The following MCU variants were observed in gnomAD, a reference collection of about 807,000 sequenced individuals.
MCU encodes mitochondrial calcium uniporter.
Under a neutral mutation model 45.2 loss-of-function variants are expected in MCU, and 12 were observed. The ratio of observed to expected loss-of-function variants is 0.27; its 90% CI spans 0.17 to 0.43. The LOEUF (loss-of-function observed/expected upper bound fraction) is 0.43, where lower values mean the gene tolerates loss of function less well. MCU is among the 20% of genes least tolerant of loss of function. The pLI is 1.00. For missense variants in MCU, 324 were observed against 436.7 expected, an observed-to-expected ratio of 0.74 and a Z score of 2.30; for synonymous variants, 160 against 165.1, an observed-to-expected ratio of 0.97 and a Z score of 0.24.
At chr10:72,826,582 C>A in intron 1 of MCU, among the ~76,000 whole-genome samples, 1 of 152,150 alleles carries the variant, frequency 6.6e-6, no homozygotes, top group East Asian at 1.9e-4. Flanking sequence ...ATGAAAAGAA[C>A]CATTGCCAAA....
chr10:72,804,899 G>A (rs1186989359), intron 1 of MCU, among the ~76,000 whole-genome samples: 1 of 152,138 alleles, frequency 6.6e-6, no homozygotes, highest in East Asian at 1.9e-4. Context: ...AGCCTTCCAA[G>A]TAGCTGGGAC....
chr10:72,694,384 C>T (rs1455623216), intron 1 of MCU, among the ~76,000 whole-genome samples: 1 of 152,194 alleles, frequency 6.6e-6, no homozygotes, highest in African/African-American at 2.4e-5. Flanking sequence ...AGGACTCCCA[C>T]TCATCTGAGA....
chr10:72,813,729 G>A (rs545153021), intron 1 of MCU, among the ~76,000 whole-genome samples: 11 of 151,982 alleles, frequency 7.2e-5, no homozygotes, highest in Admixed American at 1.3e-4. Flanking sequence ...AAATTGCTGG[G>A]ATTACAGGCG....
intron 1 of MCU, among the ~76,000 whole-genome samples, chr10:72,817,703 G>A (rs1028383772): frequency 2.6e-5 from 4 of 152,178 alleles, no homozygotes; most frequent in African/African-American, 9.6e-5. Flanking sequence ...TCCTACCTCA[G>A]CCTCCTGAGT....
At chr10:72,793,168 T>C (rs1218710743) in intron 1 of MCU, among the ~76,000 whole-genome samples, 1 of 152,120 alleles carries the variant, frequency 6.6e-6, no homozygotes, top group Non-Finnish European at 1.5e-5. Context: ...TGAGCCACCG[T>C]GCCTGGCCTG....
intron 1 of MCU, among the ~76,000 whole-genome samples, chr10:72,732,257 G>A (rs1344426580): frequency 6.6e-6 from 1 of 152,158 alleles, no homozygotes; most frequent in African/African-American, 2.4e-5. Context: ...TTTTCAAATT[G>A]GGTTGTCTTT....
intron 1 of MCU, among the ~76,000 whole-genome samples, chr10:72,739,693 TA>T (rs559496197): frequency 3.1e-3 from 477 of 151,992 alleles, no homozygotes; most frequent in African/African-American, 0.011. Context: ...TGAAGAACAT[TA>T]AGATTTTTTT....
At chr10:72,727,926 T>A (rs1434454814) in intron 1 of MCU, among the ~76,000 whole-genome samples, 2 of 151,830 alleles carry the variant, frequency 1.3e-5, no homozygotes, top group African/African-American at 4.8e-5. Context: ...TTTAAGGATA[T>A]TAGATAGCTC....
chr10:72,798,705 A>G (rs1356715900), intron 1 of MCU, among the ~76,000 whole-genome samples: 1 of 152,146 alleles, frequency 6.6e-6, no homozygotes, highest in Non-Finnish European at 1.5e-5. Context: ...AAAATAATAC[A>G]GAAGTGTTAC....
chr10:72,853,577 AT>A (rs1845241485), intron 2 of MCU, among the ~76,000 whole-genome samples: 1 of 152,244 alleles, frequency 6.6e-6, no homozygotes, highest in South Asian at 2.1e-4. Context: ...ACAGAAAAAA[AT>A]AATAGTTGAA....
chr10:72,739,228 G>T (rs1420678736), intron 1 of MCU, among the ~76,000 whole-genome samples: 1 of 152,092 alleles, frequency 6.6e-6, no homozygotes, highest in African/African-American at 2.4e-5. Context: ...AAAAAGAAAA[G>T]GCTGGAATGA....
chr10:72,853,623 C>T (rs1191391126), intron 2 of MCU, among the ~76,000 whole-genome samples: 1 of 152,008 alleles, frequency 6.6e-6, no homozygotes, highest in Non-Finnish European at 1.5e-5. Flanking sequence ...TGAGGAAAGC[C>T]AGATCTAAAA....
At chr10:72,705,818 C>CA (rs751510514) in intron 1 of MCU, among the ~76,000 whole-genome samples, 8,661 of 129,320 alleles carry the variant, frequency 0.067, 684 homozygotes, top group African/African-American at 0.2. Context: ...AACTCCGTCT[C>CA]AAAAAAAAAA....
intron 1 of MCU, among the ~76,000 whole-genome samples, chr10:72,784,067 C>T (rs74145957): frequency 0.04 from 6,092 of 152,218 alleles, 396 homozygotes; most frequent in African/African-American, 0.13. Flanking sequence ...GGGGGAAAGC[C>T]GGGCACCGTT....
At chr10:72,819,320 G>A (rs1354700954) in intron 1 of MCU, among the ~76,000 whole-genome samples, 1 of 152,202 alleles carries the variant, frequency 6.6e-6, no homozygotes, top group African/African-American at 2.4e-5. Context: ...GGCGAGAACA[G>A]ATAGCTACAC....
intron 1 of MCU, among the ~76,000 whole-genome samples, chr10:72,751,359 T>C (rs1435796069): frequency 7.9e-6 from 1 of 125,828 alleles, no homozygotes; most frequent in African/African-American, 3.0e-5. Flanking sequence ...TTTTTTTTTT[T>C]TTTTTTTTTT....
intron 1 of MCU, among the ~76,000 whole-genome samples, chr10:72,828,222 A>G (rs1844825971): frequency 6.6e-6 from 1 of 152,174 alleles, no homozygotes; most frequent in African/African-American, 2.4e-5. Context: ...GTGCTAAGGG[A>G]AATGTAACAG....
At chr10:72,853,657 A>G (rs1287527409) in intron 2 of MCU, among the ~76,000 whole-genome samples, 1 of 152,208 alleles carries the variant, frequency 6.6e-6, no homozygotes, top group Non-Finnish European at 1.5e-5. Flanking sequence ...CCAACCATTC[A>G]TAAAGAAAAG....
intron 1 of MCU, among the ~76,000 whole-genome samples, chr10:72,781,223 TAAG>T (rs1226136874): frequency 6.6e-6 from 1 of 152,190 alleles, no homozygotes; most frequent in Non-Finnish European, 1.5e-5. Flanking sequence ...AGTTTGGAGA[TAAG>T]AAATTATTGA....
Sources: gnomAD v4.1 joint callset for allele counts (sites outside exome capture counted in the v4.1 genomes callset) on GRCh38, gnomAD v4.1.1 for gene constraint, MANE v1.5 for transcripts, NCBI Gene and HGNC (gene_info 2026-07-23, HGNC 2026-07-21) for gene names.